Variants in DOCK2 observed in about 807,000 individuals in gnomAD.
The protein encoded by DOCK2 is dedicator of cytokinesis 2.
Under a neutral mutation model 248.9 loss-of-function variants are expected in DOCK2, and 87 were observed. That is an observed-to-expected ratio of 0.35 (90% CI 0.29 to 0.42). DOCK2 has a LOEUF of 0.42. Among genes scored for constraint, DOCK2 ranks in the 10% least tolerant of loss-of-function variants. The pLI is 1.00. For synonymous variants in DOCK2, 805 were observed against 821.6 expected (o/e 0.98, Z 0.35); for missense variants, 1,747 against 2,300.2 (o/e 0.76, Z 4.92).
At chr5:169,928,557 A>G (rs1775587915) in intron 27 of DOCK2, among the ~76,000 whole-genome samples, 1 of 152,234 alleles carries the variant, frequency 6.6e-6, no homozygotes, top group South Asian at 2.1e-4. Flanking sequence ...AGTGAGTGAC[A>G]TGAAGCATCG....
At chr5:169,833,841 T>G (rs1199962760) in intron 26 of DOCK2, among the ~76,000 whole-genome samples, 1 of 152,212 alleles carries the variant, frequency 6.6e-6, no homozygotes, top group Non-Finnish European at 1.5e-5. Context: ...TGTGAAATCC[T>G]AGCAGTCCAA....
chr5:169,644,075 T>G (rs1159222871), intron 1 of DOCK2, among the ~76,000 whole-genome samples: 2 of 152,078 alleles, frequency 1.3e-5, no homozygotes, highest in Non-Finnish European at 2.9e-5. Flanking sequence ...GTGGCTGCAG[T>G]AGAGTAAGCA....
Position 169,793,254 on chromosome 5 carries a change from C to T in DOCK2, c.2555-9804C>T, listed in dbSNP as rs73322078. On this transcript the variant is annotated intron_variant, in intron 25 of 51. Coordinates refer to ENST00000520908, the MANE Select transcript of DOCK2 (RefSeq NM_004946.3). The stretch of plus-strand genomic sequence containing the variant: ...CATCTAATCCATCAGCAGGTCATGT[C>T]GACTCTGCCTTCAAAAAATAACCCA... Among the ~76,000 whole-genome samples the T allele has an allele frequency of 1.9e-3, 293 of 152,282 alleles. 1 individual carries two copies. The highest frequency in any genetic ancestry group is 6.5e-3 in the African/African-American group (271 of 41,568).
intron 2 of DOCK2, among the ~76,000 whole-genome samples, chr5:169,667,564 T>C (rs1476047783): frequency 6.6e-6 from 1 of 152,220 alleles, no homozygotes; most frequent in African/African-American, 2.4e-5. Flanking sequence ...AAGGGGCAAC[T>C]AAAGGAGGTT....
chr5:169,921,439 T>A (rs1251593559), intron 27 of DOCK2, among the ~76,000 whole-genome samples: 1 of 152,224 alleles, frequency 6.6e-6, no homozygotes, highest in East Asian at 1.9e-4. Flanking sequence ...CTTTTAAAGA[T>A]GAAGACTGTA....
At chr5:169,878,373 T>C (rs1435236417) in intron 27 of DOCK2, among the ~76,000 whole-genome samples, 2 of 152,252 alleles carry the variant, frequency 1.3e-5, no homozygotes, top group Admixed American at 6.5e-5. Context: ...ACATGTTTTA[T>C]GTAAAACAGG....
intron 27 of DOCK2, among the ~76,000 whole-genome samples, chr5:169,874,943 C>T (rs1341335584): frequency 6.6e-6 from 1 of 152,108 alleles, no homozygotes; most frequent in Non-Finnish European, 1.5e-5. Context: ...CCTCTCTCTT[C>T]CTTCCCTCGC....
rs765569219 is a variant in DOCK2, at chr5:169,681,834, T to C, written c.561T>C (p.His187=). ...NTSVISLFHA[H]EEATDKITER... is the part of the protein sequence containing the mutation. ...GTGTCATCAGCTTGTTCCATGCACA[T>C]GAGGAAGCAACTGATAAAATCACAG... Residue 187 remains histidine (H), a synonymous_variant, in exon 7 of 52, where the codon CAT becomes CAC. Coordinates refer to ENST00000520908, the MANE Select transcript of DOCK2 (RefSeq NM_004946.3). 5 of 1,613,986 alleles carry C rather than the reference T, an allele frequency of 3.1e-6. No individual in the cohort carries two copies. Among genetic ancestry groups the C allele is most frequent in the South Asian group, 1.1e-5 (1 of 91,048 alleles).
chr5:170,065,531 A>G (rs1296359229), intron 44 of DOCK2, among the ~76,000 whole-genome samples: 3 of 152,240 alleles, frequency 2.0e-5, no homozygotes, highest in African/African-American at 4.8e-5. Context: ...TGATAGAGAC[A>G]TACCTGAGAC....
rs565341240 is a variant in DOCK2, at chr5:170,028,023, G to A, written c.3467+75G>A. The A allele has an allele frequency of 8.9e-6, 12 of 1,343,068 alleles. No homozygotes were observed. The South Asian group carries it at 1.7e-4, about 19-fold the overall frequency. 83.2% of individuals were successfully genotyped at this position (1,343,068 alleles called of 1,614,324 possible). On this transcript the variant is annotated intron_variant, in intron 34 of 51. Transcript: ENST00000520908. The stretch of plus-strand genomic sequence containing the variant: ...GCGGGAGGGCTCAGAACTCCAGGGG[G>A]CTCCGAGTGGCTCTGTCCTCCCCTG...
chr5:169,654,555 C>T, intron 2 of DOCK2, 69 bp downstream of exon 2: 25 of 1,539,712 alleles, frequency 1.6e-5, no homozygotes, highest in Non-Finnish European at 2.2e-5. Context: ...CACCCAGGCC[C>T]CTCAGCGCTG....
chr5:169,707,027 A>G (rs1372984607), intron 14 of DOCK2, among the ~76,000 whole-genome samples: 1 of 152,228 alleles, frequency 6.6e-6, no homozygotes. Context: ...CGAGAGGCAC[A>G]CAGTTTGCAA....
intron 22 of DOCK2, among the ~76,000 whole-genome samples, chr5:169,719,799 A>G: frequency 6.6e-6 from 1 of 152,140 alleles, no homozygotes; most frequent in Non-Finnish European, 1.5e-5. Flanking sequence ...AGTTGTGGTC[A>G]TGTGTGCATT....
chr5:170,010,719 G>C (rs557773659), intron 32 of DOCK2, among the ~76,000 whole-genome samples: 1 of 152,368 alleles, frequency 6.6e-6, no homozygotes, highest in Admixed American at 6.5e-5. Flanking sequence ...CCCAGATTCA[G>C]TTCACTTCCA....
At chr5:169,935,718 C>T (rs1400063408) in intron 27 of DOCK2, among the ~76,000 whole-genome samples, 1 of 152,178 alleles carries the variant, frequency 6.6e-6, no homozygotes, top group Non-Finnish European at 1.5e-5. Flanking sequence ...TCAACTGCTA[C>T]ATTATGTCTT....
At chr5:169,894,937 G>A (rs1260262384) in intron 27 of DOCK2, among the ~76,000 whole-genome samples, 3 of 152,198 alleles carry the variant, frequency 2.0e-5, no homozygotes, top group African/African-American at 7.2e-5. Context: ...TGGTTTTGGT[G>A]TTGTGGCCCC....
intron 32 of DOCK2, among the ~76,000 whole-genome samples, chr5:170,009,083 G>A (rs1274413006): frequency 7.9e-5 from 12 of 151,928 alleles, no homozygotes; most frequent in Non-Finnish European, 1.8e-4. Context: ...GCTGCTGATT[G>A]GAGGGTCCTT....
At chr5:169,885,787 A>G (rs1772936104) in intron 27 of DOCK2, among the ~76,000 whole-genome samples, 1 of 152,250 alleles carries the variant, frequency 6.6e-6, no homozygotes, top group Admixed American at 6.5e-5. Flanking sequence ...TTACAGTTGA[A>G]TAAACCGAGG....
At chr5:169,650,629 C>A (rs1410996783) in intron 1 of DOCK2, among the ~76,000 whole-genome samples, 3 of 152,228 alleles carry the variant, frequency 2.0e-5, no homozygotes, top group Admixed American at 2.0e-4. Flanking sequence ...GAAGTTCCAT[C>A]TGCCTCAAAA....
Sources: gnomAD v4.1 joint callset for allele counts (sites outside exome capture counted in the v4.1 genomes callset) on GRCh38, gnomAD v4.1.1 for gene constraint, MANE v1.5 for transcripts, NCBI Gene and HGNC (gene_info 2026-07-23, HGNC 2026-07-21) for gene names.